NLGN4X: variants seen among roughly 807,000 people sequenced by gnomAD.
The protein encoded by NLGN4X is neuroligin 4 X-linked.
NLGN4X carries 3 observed loss-of-function variants against 40.3 expected under a neutral mutation model. That is an observed-to-expected ratio of 0.07 (90% CI 0.03 to 0.19). The LOEUF (loss-of-function observed/expected upper bound fraction) is 0.19, where lower values mean the gene tolerates loss of function less well. NLGN4X is among the 10% of genes least tolerant of loss of function. The probability of loss-of-function intolerance (pLI) is 1.00; values close to 1 mark genes in which losing one functional copy is unlikely to be tolerated. For missense variants in NLGN4X, 382 were observed against 708.3 expected, an observed-to-expected ratio of 0.54 and a Z score of 5.23; for synonymous variants, 270 against 306.8, an observed-to-expected ratio of 0.88 and a Z score of 1.25.
At chrX:6,169,985 C>A (rs1005457536) in intron 1 of NLGN4X, among the ~76,000 whole-genome samples, 1 of 110,404 alleles carries the variant, frequency 9.1e-6, no homozygotes, top group African/African-American at 3.4e-5. Flanking sequence ...ACCACTGTAT[C>A]TTGGTGAAGA....
intron 3 of NLGN4X, among the ~76,000 whole-genome samples, chrX:6,002,428 G>A (rs1406138640): frequency 8.9e-6 from 1 of 112,108 alleles, no homozygotes; most frequent in African/African-American, 3.2e-5. Context: ...CCGTTCAGCT[G>A]GAATTGTTTG....
chrX:6,050,179 G>A (rs2037445786), intron 2 of NLGN4X, among the ~76,000 whole-genome samples: 1 of 111,930 alleles, frequency 8.9e-6, no homozygotes, highest in Non-Finnish European at 1.9e-5. Flanking sequence ...GGAGCCTTAT[G>A]CAACAATTAA....
intron 1 of NLGN4X, among the ~76,000 whole-genome samples, chrX:6,215,379 G>A (rs1329830432): frequency 9.1e-6 from 1 of 110,351 alleles, no homozygotes; most frequent in Non-Finnish European, 1.9e-5. Flanking sequence ...GAGAAACCCT[G>A]TCTCTACTAA....
intron 3 of NLGN4X, among the ~76,000 whole-genome samples, chrX:5,967,082 T>C (rs892027092): frequency 1.8e-5 from 2 of 111,580 alleles, no homozygotes; most frequent in Non-Finnish European, 3.8e-5. Context: ...ATTTGGTCTG[T>C]TGTCTGAGAA....
At chrX:5,918,331 A>G (rs935698122) in intron 3 of NLGN4X, among the ~76,000 whole-genome samples, 1 of 112,138 alleles carries the variant, frequency 8.9e-6, no homozygotes, top group African/African-American at 3.2e-5. Flanking sequence ...TAAAAAGACA[A>G]CTTATACAAC....
At chrX:5,991,522 G>C (rs1308488274) in intron 3 of NLGN4X, 1 of 515,800 alleles carries the variant, frequency 1.9e-6, no homozygotes, top group Non-Finnish European at 3.6e-6. Flanking sequence ...TGTGTTTTCT[G>C]CTGAGTGAGA....
At chrX:6,127,674 A>C (rs1295661386) in intron 2 of NLGN4X, among the ~76,000 whole-genome samples, 1 of 112,364 alleles carries the variant, frequency 8.9e-6, no homozygotes, top group African/African-American at 3.2e-5. Context: ...TTGGGGAAAA[A>C]AATAACATGA....
intron 2 of NLGN4X, among the ~76,000 whole-genome samples, chrX:6,117,080 A>G (rs2039319760): frequency 9.0e-6 from 1 of 111,019 alleles, no homozygotes; most frequent in Non-Finnish European, 1.9e-5. Flanking sequence ...ACCTTATGGG[A>G]ATTGGCCAGT....
intron 2 of NLGN4X, among the ~76,000 whole-genome samples, chrX:6,042,726 T>TAC (rs1330799612): frequency 0.021 from 598 of 28,223 alleles, 3 homozygotes; most frequent in Middle Eastern, 0.14. Context: ...TATATATATA[T>TAC]ATATACACAC....
chrX:6,069,437 T>C (rs2038006016), intron 2 of NLGN4X, among the ~76,000 whole-genome samples: 1 of 112,348 alleles, frequency 8.9e-6, no homozygotes, highest in Admixed American at 9.5e-5. Context: ...TTTTTTCTTT[T>C]CTCATTTTCA....
At position 6,134,828 on chromosome X, in the gene NLGN4X, A is replaced by G. The variant is rs570200302; in HGVS notation, c.472+16167T>C. 7.1e-5 allele frequency among the ~76,000 whole-genome samples: 8 copies of G among 112,600 alleles called. No homozygotes were observed. The South Asian group carries it at 2.9e-3, about 41-fold the overall frequency. ...TCTCACAAAGAAGTCTACTGAGCAG[A>G]AAGAGCAGGCTGACTGAGAAGGACC... On this transcript the variant is annotated intron_variant, in intron 2 of 5. Transcript: ENST00000381095.
intron 1 of NLGN4X, among the ~76,000 whole-genome samples, chrX:6,225,011 T>TAC (rs1380311869): frequency 5.3e-4 from 26 of 49,522 alleles, no homozygotes; most frequent in African/African-American, 1.8e-3. Context: ...TATATATATA[T>TAC]ACACACACAC....
chrX:5,983,599 G>A (rs2147073630), intron 3 of NLGN4X, among the ~76,000 whole-genome samples: 1 of 111,602 alleles, frequency 9.0e-6, no homozygotes, highest in Non-Finnish European at 1.9e-5. Flanking sequence ...ACAAACTTGA[G>A]AAGAGGTGAG....
chrX:6,131,911 G>A (rs771226036), intron 2 of NLGN4X, among the ~76,000 whole-genome samples: 11 of 111,667 alleles, frequency 9.9e-5, no homozygotes, highest in Non-Finnish European at 1.7e-4. Flanking sequence ...CTCTACCTCA[G>A]TACTGTTCAC....
At chrX:5,989,102 A>AT (rs2035613052) in intron 3 of NLGN4X, among the ~76,000 whole-genome samples, 2 of 109,720 alleles carry the variant, frequency 1.8e-5, no homozygotes, top group African/African-American at 6.6e-5. Context: ...ATAAAAAAAA[A>AT]AATAAAAAAG....
chrX:6,071,758 G>C (rs181343236), intron 2 of NLGN4X, among the ~76,000 whole-genome samples: 10 of 112,245 alleles, frequency 8.9e-5, no homozygotes, highest in Non-Finnish European at 1.7e-4. Flanking sequence ...CCAGGGCCTT[G>C]TGCCCAACAA....
At position 5,978,082 on chromosome X, in the gene NLGN4X, C is replaced by T. The variant is rs2035231026; in HGVS notation, c.625+51198G>A. ...TGGATGGAATTGGATGGGATGTATG[C>T]ACAGCTCATAAATGGGTCCTCAATA... On this transcript the variant is annotated intron_variant, in intron 3 of 5. Coordinates refer to ENST00000381095, the MANE Select transcript of NLGN4X (RefSeq NM_181332.3). Among the ~76,000 whole-genome samples, 3 of 111,880 alleles carry T rather than the reference C, an allele frequency of 2.7e-5. No homozygotes were observed. In the Admixed American group the frequency reaches 2.9e-4, roughly 11 times the overall value.
At chrX:6,059,746 T>C (rs932762058) in intron 2 of NLGN4X, among the ~76,000 whole-genome samples, 7 of 111,915 alleles carry the variant, frequency 6.3e-5, no homozygotes, top group Non-Finnish European at 1.1e-4. Context: ...GGACAACTTA[T>C]GCCAGCCACT....
intron 3 of NLGN4X, among the ~76,000 whole-genome samples, chrX:5,916,306 G>C (rs1460246374): frequency 8.9e-6 from 1 of 111,990 alleles, no homozygotes; most frequent in Non-Finnish European, 1.9e-5. Context: ...GGATTGTCTT[G>C]GTTGGATCCA....
Sources: gnomAD v4.1 joint callset for allele counts (sites outside exome capture counted in the v4.1 genomes callset) on GRCh38, gnomAD v4.1.1 for gene constraint, MANE v1.5 for transcripts, NCBI Gene and HGNC (gene_info 2026-07-23, HGNC 2026-07-21) for gene names.